GLIS3: variants seen among roughly 807,000 people sequenced by gnomAD.
GLIS3 encodes the protein zinc finger protein GLIS3.
Under a neutral mutation model 78.6 loss-of-function variants are expected in GLIS3, and 53 were observed. That is an observed-to-expected ratio of 0.67 (90% CI 0.54 to 0.85). GLIS3 has a LOEUF of 0.85. GLIS3 is among the 40% of genes least tolerant of loss of function. GLIS3 has a pLI of 0.00. For missense variants in GLIS3, 1,703 were observed against 1,231.1 expected (o/e 1.38, Z -5.74); for synonymous variants, 684 against 509.9 (o/e 1.34, Z -4.60).
rs374518357 is a variant in GLIS3 at position 3,894,202 on chromosome 9, A to G, written c.2128+4489T>C. 1.9e-4 allele frequency among the ~76,000 whole-genome samples: 29 copies of G among 152,344 alleles called. 1 individual carries two copies. The East Asian group carries it at 4.2e-3, about 22-fold the overall frequency. On this transcript the variant is annotated intron_variant, in intron 7 of 10. Coordinates refer to ENST00000381971, the MANE Select transcript of GLIS3 (RefSeq NM_001042413.2). The stretch of plus-strand genomic sequence containing the variant: ...AAAGCAGTGCTTTTGAAGTTAATGC[A>G]AGTAATAACTATGCATTTTTATAAT...
At chr9:4,376,246 G>A in the GLIS3 span, among the ~76,000 whole-genome samples, 5 of 152,132 alleles carry the variant, frequency 3.3e-5, no homozygotes, top group Admixed American at 3.3e-4. Flanking sequence ...GAAGGAAACA[G>A]GTTGGTGGGG....
the GLIS3 span, among the ~76,000 whole-genome samples, chr9:4,398,724 T>C: frequency 6.6e-6 from 1 of 151,768 alleles, no homozygotes; most frequent in Non-Finnish European, 1.5e-5. Flanking sequence ...AGTTTCACTC[T>C]GTCACCCAGC....
At chr9:4,066,063 C>G (rs926828686) in intron 4 of GLIS3, among the ~76,000 whole-genome samples, 1 of 145,190 alleles carries the variant, frequency 6.9e-6, no homozygotes, top group Non-Finnish European at 1.5e-5. Flanking sequence ...AAGAAACAGG[C>G]GAAACTTAAA....
upstream of GLIS3, among the ~76,000 whole-genome samples, chr9:4,350,308 C>CA (rs530500905): frequency 1.4e-3 from 208 of 152,270 alleles, 1 homozygote; most frequent in Admixed American, 2.7e-3. Flanking sequence ...ACGTTTAAAT[C>CA]AAAAGACTGA....
At chr9:4,065,720 C>T (rs1827039922) in intron 4 of GLIS3, among the ~76,000 whole-genome samples, 1 of 152,068 alleles carries the variant, frequency 6.6e-6, no homozygotes, top group Non-Finnish European at 1.5e-5. Context: ...ATAGAATTTT[C>T]CAAGTGAAGA....
chr9:4,182,552 A>C (rs1207777685), intron 2 of GLIS3, among the ~76,000 whole-genome samples: 1 of 152,168 alleles, frequency 6.6e-6, no homozygotes, highest in East Asian at 1.9e-4. Context: ...GATGATGAGA[A>C]AGCATGGGGA....
At chr9:3,910,267 T>C (rs926031978) in intron 6 of GLIS3, among the ~76,000 whole-genome samples, 3 of 152,236 alleles carry the variant, frequency 2.0e-5, no homozygotes, top group African/African-American at 7.2e-5. Flanking sequence ...ATTTCAGCCA[T>C]GGAAGGGGCA....
intron 2 of GLIS3, among the ~76,000 whole-genome samples, chr9:4,193,175 C>T (rs997972560): frequency 2.6e-5 from 4 of 152,202 alleles, no homozygotes; most frequent in African/African-American, 9.6e-5. Context: ...CTATAGCCTG[C>T]GAGACTTTTG....
At chr9:4,254,958 CTGTT>C (rs1054180834) in intron 2 of GLIS3, among the ~76,000 whole-genome samples, 11 of 152,018 alleles carry the variant, frequency 7.2e-5, no homozygotes, top group African/African-American at 2.7e-4. Flanking sequence ...TGTTAAAGGA[CTGTT>C]TATTTGTAGT....
At chr9:4,349,680 G>C (rs1319840926), upstream of GLIS3, among the ~76,000 whole-genome samples, 1 of 152,068 alleles carries the variant, frequency 6.6e-6, no homozygotes, top group African/African-American at 2.4e-5. Context: ...AGGACACACA[G>C]AGCATCACTC....
intron 6 of GLIS3, among the ~76,000 whole-genome samples, chr9:3,921,478 C>G (rs1345222632): frequency 6.6e-6 from 1 of 152,114 alleles, no homozygotes; most frequent in East Asian, 1.9e-4. Context: ...TTGTCCTTTA[C>G]AAAAAACAAG....
At chr9:4,441,643 A>G in the GLIS3 span, among the ~76,000 whole-genome samples, 1 of 152,008 alleles carries the variant, frequency 6.6e-6, no homozygotes, top group Non-Finnish European at 1.5e-5. Flanking sequence ...GTCTGGCTCT[A>G]TCACCCAGGC....
At chr9:4,167,122 C>T (rs376742567) in intron 2 of GLIS3, among the ~76,000 whole-genome samples, 27 of 152,228 alleles carry the variant, frequency 1.8e-4, no homozygotes, top group African/African-American at 6.5e-4. Context: ...AATCCCAAAC[C>T]CTCATTGTAC....
the GLIS3 span, among the ~76,000 whole-genome samples, chr9:4,397,626 G>GAAAGGAAGGAAGA: frequency 7.4e-6 from 1 of 135,176 alleles, no homozygotes; most frequent in African/African-American, 2.9e-5. Context: ...AATAAAAGAA[G>GAAAGGAAGGAAGA]AAAGGAAGGA....
intron 2 of GLIS3, among the ~76,000 whole-genome samples, chr9:4,233,091 C>G (rs1207884583): frequency 6.6e-6 from 1 of 152,086 alleles, no homozygotes; most frequent in East Asian, 1.9e-4. Flanking sequence ...ATTTTGATAC[C>G]AACGATACAA....
intron 2 of GLIS3, among the ~76,000 whole-genome samples, chr9:4,263,084 C>T (rs368567914): frequency 3.3e-5 from 5 of 152,286 alleles, no homozygotes; most frequent in East Asian, 1.9e-4. Context: ...TTACATTTCA[C>T]AGTAAGAAAA....
chr9:3,852,144 C>T (rs1283909375), intron 9 of GLIS3, among the ~76,000 whole-genome samples: 1 of 141,762 alleles, frequency 7.1e-6, no homozygotes, highest in African/African-American at 2.6e-5. Flanking sequence ...GACTACGTTC[C>T]AAAAGAAAAA....
chr9:4,354,891 C>T, the GLIS3 span, among the ~76,000 whole-genome samples: 786 of 152,058 alleles, frequency 5.2e-3, 3 homozygotes, highest in Non-Finnish European at 9.0e-3. Flanking sequence ...CCGAGGTGGG[C>T]GGATCACTAG....
Position 4,032,580 on chromosome 9 carries a change from C to A in GLIS3, c.1710+85188G>T, listed in dbSNP as rs368255356. Reference sequence around the variant, plus strand: ...GTAGAGCTATATATCATGTAGCAGCCTAACAAATTTGAGTATTTCTAATGT... The same window carrying A: ...GTAGAGCTATATATCATGTAGCAGCATAACAAATTTGAGTATTTCTAATGT... On this transcript the variant is annotated intron_variant, in intron 4 of 10. Transcript: ENST00000381971. 2.0e-5 allele frequency among the ~76,000 whole-genome samples: 3 copies of A among 152,082 alleles called. No homozygotes were observed. In the East Asian group the frequency reaches 5.8e-4, roughly 29 times the overall value.
Sources: allele counts gnomAD v4.1 joint callset (sites outside exome capture counted in the v4.1 genomes callset), GRCh38; gene constraint gnomAD v4.1.1; transcripts MANE v1.5; gene names NCBI Gene and HGNC (gene_info 2026-07-23, HGNC 2026-07-21).